The following ARL9 variants were observed in gnomAD, a reference collection of about 807,000 sequenced individuals.
ARL9 encodes ARF like GTPase 9.
In ARL9, 14 loss-of-function variants were observed where a neutral mutation model predicts 27.0. The observed-to-expected ratio is 0.52, with a 90% CI of 0.34 to 0.81. ARL9 has a LOEUF of 0.81. Among genes scored for constraint, ARL9 ranks in the 30% least tolerant of loss-of-function variants. The pLI is 0.01. For missense variants in ARL9, 294 were observed against 290.0 expected (o/e 1.01, Z -0.10); for synonymous variants, 106 against 108.7 (o/e 0.98, Z 0.15).
At chr4:56,511,443 C>T in intron 2 of ARL9, 96 bp downstream of exon 2, 1 of 1,292,388 alleles carries the variant, frequency 7.7e-7, no homozygotes, top group Non-Finnish European at 1.1e-6. Context: ...TGAAAACTAA[C>T]ACTGAATCAA....
intron 1 of ARL9, among the ~76,000 whole-genome samples, 158 bp from the exon 2 acceptor site, chr4:56,511,027 C>G (rs1346794217): frequency 6.6e-6 from 1 of 152,158 alleles, no homozygotes; most frequent in Non-Finnish European, 1.5e-5. Flanking sequence ...CCTGCCTCGG[C>G]CTCCCAAAGT....
At chr4:56,515,942 G>T (rs1015633092) in intron 2 of ARL9, among the ~76,000 whole-genome samples, 1 of 152,152 alleles carries the variant, frequency 6.6e-6, no homozygotes, top group African/African-American at 2.4e-5. Flanking sequence ...AGTTTGACAA[G>T]CTGAGGCTAA....
intron 2 of ARL9, among the ~76,000 whole-genome samples, chr4:56,515,974 G>A (rs547290946): frequency 3.7e-4 from 57 of 152,260 alleles, no homozygotes; most frequent in Middle Eastern, 6.8e-3. Flanking sequence ...GTGAGCAAAG[G>A]GGTAAAGAAA....
intron 1 of ARL9, among the ~76,000 whole-genome samples, chr4:56,510,930 C>A (rs1479571620): frequency 6.6e-6 from 1 of 152,116 alleles, no homozygotes; most frequent in East Asian, 1.9e-4. Flanking sequence ...CGCCACCACA[C>A]CTGGCTAATT....
intron 1 of ARL9, among the ~76,000 whole-genome samples, chr4:56,507,010 G>T (rs943031340): frequency 5.3e-5 from 8 of 152,110 alleles, no homozygotes; most frequent in Non-Finnish European, 8.8e-5. Flanking sequence ...AGCTCAGGCT[G>T]ATCTCAAACT....
At chr4:56,516,652 T>C (rs1721775175) in intron 2 of ARL9, among the ~76,000 whole-genome samples, 1 of 150,986 alleles carries the variant, frequency 6.6e-6, no homozygotes, top group African/African-American at 2.4e-5. Context: ...AGGATGCAGC[T>C]GGGTGCAGTG....
chr4:56,511,247 C>T lies in ARL9; in HGVS notation c.342C>T (p.His114=), dbSNP rs1166666145. ...LDGAGKTSVL[H]SLASNRVQHS... ...GAGCAGGAAAAACCAGTGTCCTGCA[C>T]TCTCTAGCTTCAAACAGAGTCCAGC... The change falls in exon 2 of 4, where the codon CAC becomes CAT. Residue 114 remains histidine, a synonymous_variant. Transcript: ENST00000640821. 6.2e-7 allele frequency: 1 copy of T among 1,613,648 alleles called. No individual in the cohort carries two copies. Among genetic ancestry groups the T allele is most frequent in the Non-Finnish European group, 8.5e-7 (1 of 1,179,714 alleles).
At position 56,523,993 on chromosome 4, in the gene ARL9, T is replaced by C; in HGVS notation, c.*117T>C. On this transcript the variant is annotated 3_prime_UTR_variant, in exon 4 of 4. Transcript: ENST00000640821. ...ATTAAGCCATTTCCTATTTTCTCAGTGCATGGGATGTATATAGTTAGCCCT... is the reference window on the plus strand; with the variant it reads ...ATTAAGCCATTTCCTATTTTCTCAGCGCATGGGATGTATATAGTTAGCCCT... The C allele has an allele frequency of 1.0e-6, 1 of 968,452 alleles. No individual in the cohort carries two copies. The highest frequency in any genetic ancestry group is 2.6e-5 in the East Asian group (1 of 37,958). The allele number at this position is 968,452 out of a possible 1,614,324, so 60.0% of individuals were successfully genotyped here. A position where few individuals can be genotyped will look rare whatever the true frequency, so the allele number is the denominator to read the frequency against.
chr4:56,518,529 T>C, intron 2 of ARL9, 149 bp from the exon 3 acceptor site: 1 of 667,856 alleles, frequency 1.5e-6, no homozygotes, highest in Admixed American at 3.0e-5. Flanking sequence ...CTCTGGTCAC[T>C]CTGAGGACTG....
intron 3 of ARL9, among the ~76,000 whole-genome samples, chr4:56,519,603 A>C (rs1721862347): frequency 6.6e-6 from 1 of 152,128 alleles, no homozygotes; most frequent in Admixed American, 6.5e-5. Flanking sequence ...GGCTCAAAAA[A>C]AAAATCAAAA....
intron 3 of ARL9, 60 bp downstream of exon 3, chr4:56,518,913 C>T: frequency 2.1e-6 from 3 of 1,432,166 alleles, no homozygotes; most frequent in African/African-American, 2.8e-5. Context: ...GAAATGTATA[C>T]TTTTAATACC....
intron 2 of ARL9, among the ~76,000 whole-genome samples, chr4:56,512,068 C>CA (rs1001780611): frequency 1.2e-4 from 19 of 152,170 alleles, no homozygotes; most frequent in Non-Finnish European, 5.9e-5. Flanking sequence ...TTTGCATTCC[C>CA]ACCTCCAGTA....
rs151191322 is a variant in ARL9 at position 56,511,776 on chromosome 4, C to G, written c.442+429C>G. ...GATAGTAATTCTGGAGTCACCACCT[C>G]TAAATATTACTGTCTCCTGAAGTTG... On this transcript the variant is annotated intron_variant, in intron 2 of 3. Transcript: ENST00000640821. Among the ~76,000 whole-genome samples the G allele has an allele frequency of 1.3e-3, 203 of 152,286 alleles. No homozygotes were observed. The Middle Eastern group carries it at 0.024, about 18-fold the overall frequency.
In ARL9 at chr4:56,518,680, G is replaced by C. The variant is rs77571713; in HGVS notation, c.445G>C (p.Gly149Arg). 1.4e-4 allele frequency: 228 copies of C among 1,611,588 alleles called. 3 individuals carry two copies. The East Asian group carries it at 2.0e-3, about 14-fold the overall frequency. Residue 149 changes from glycine to arginine, a missense_variant and splice_region_variant, in exon 3 of 4, where the codon GGT becomes CGT. Transcript: ENST00000640821. ...EDSQMEFLEI[G>R]GSKPFRSYWE... ...TCTTCCTCTACTATTCTCTGTAGTT[G>C]GTGGCAGTAAACCTTTTCGGTCCTA...
rs554516435 is a variant in ARL9 at position 56,524,432 on chromosome 4, A to G, written c.*556A>G. 1 of 152,442 alleles carries G rather than the reference A, an allele frequency of 6.6e-6. No homozygotes were observed. The highest frequency in any genetic ancestry group is 1.9e-4 in the East Asian group (1 of 5,190). 9.4% of individuals were successfully genotyped at this position (152,442 alleles called of 1,614,324 possible). ...GGGGTATTGGGATTTTTAATCAACAAAGGTAAAATGAACATTAGCAAGCAT... is the reference window on the plus strand; with the variant it reads ...GGGGTATTGGGATTTTTAATCAACAGAGGTAAAATGAACATTAGCAAGCAT... On this transcript the variant is annotated 3_prime_UTR_variant, in exon 4 of 4. Transcript: ENST00000640821.
Position 56,511,310 on chromosome 4 carries a change from C to T in ARL9, c.405C>T (p.Cys135=). 6.2e-7 allele frequency: 1 copy of T among 1,613,784 alleles called. No individual in the cohort carries two copies. The highest frequency in any genetic ancestry group is 8.5e-7 in the Non-Finnish European group (1 of 1,179,746). The change falls in exon 2 of 4, where the codon TGC becomes TGT. Residue 135 remains cysteine (C), a synonymous_variant. Transcript: ENST00000640821. The part of the protein sequence containing the change: ...VAPTQGFHAV[C]INTEDSQMEF... ...CCACCCAAGGTTTCCATGCAGTTTG[C>T]ATCAACACTGAAGACAGCCAGATGG... is the stretch of plus-strand genomic sequence containing the variant.
rs145868854 is a variant in ARL9 at position 56,518,699 on chromosome 4, G to C, written c.464G>C (p.Arg155Pro). 9 of 1,612,558 alleles carry C rather than the reference G, an allele frequency of 5.6e-6. No individual in the cohort carries two copies. Among genetic ancestry groups the C allele is most frequent in the East Asian group, 4.5e-5 (2 of 44,844 alleles). The change falls in exon 3 of 4, where the codon CGG becomes CCG. Residue 155 changes from arginine to proline, a missense_variant. Transcript: ENST00000640821. ...GTAGTTGGTGGCAGTAAACCTTTTC[G>C]GTCCTACTGGGAAATGTACCTATCC... ...FLEIGGSKPF[R>P]SYWEMYLSKG...
upstream of ARL9, chr4:56,505,552 C>T: frequency 1.8e-6 from 1 of 563,356 alleles, no homozygotes; most frequent in Non-Finnish European, 3.4e-6. Flanking sequence ...ATGATATACC[C>T]CGCCGAACTG....
At chr4:56,507,386 C>T (rs1466347494) in intron 1 of ARL9, among the ~76,000 whole-genome samples, 2 of 151,706 alleles carry the variant, frequency 1.3e-5, no homozygotes, top group Non-Finnish European at 2.9e-5. Context: ...GTGATCTCGG[C>T]TCACTGCAAC....
Sources: allele counts gnomAD v4.1 joint callset (sites outside exome capture counted in the v4.1 genomes callset), GRCh38; gene constraint gnomAD v4.1.1; transcripts MANE v1.5; gene names NCBI Gene and HGNC (gene_info 2026-07-23, HGNC 2026-07-21).